RTKN: variants seen among roughly 807,000 people sequenced by gnomAD.
The protein encoded by RTKN is rhotekin.
RTKN carries 49 observed loss-of-function variants against 63.5 expected under a neutral mutation model. That is an observed-to-expected ratio of 0.77 (90% CI 0.61 to 0.98). The LOEUF (loss-of-function observed/expected upper bound fraction) is 0.98, where lower values mean the gene tolerates loss of function less well. RTKN is among the 50% of genes least tolerant of loss of function. RTKN has a pLI of 0.00. For synonymous variants in RTKN, 295 were observed against 290.4 expected (o/e 1.02, Z -0.16); for missense variants, 685 against 740.8 (o/e 0.92, Z 0.87).
rs138243834 is a variant in RTKN, at chr2:74,430,634, C to A, written c.355G>T (p.Gly119Cys). 527 of 1,613,808 alleles carry A rather than the reference C, an allele frequency of 3.3e-4. No homozygotes were observed. The highest frequency in any genetic ancestry group is 4.1e-4 in the Non-Finnish European group (485 of 1,179,996). The stretch of plus-strand genomic sequence containing the variant: ...TTCTTACCAGAGATGCAGACCCGGC[C>A]GCGGCAGGGGGAGCGCTCAGCGGGC... Reference protein sequence around the residue: ...GPPAERSPCRGRVCISDLRIP... With the variant: ...GPPAERSPCRCRVCISDLRIP... The change falls in exon 3 of 12, where the codon GGC becomes TGC. Residue 119 changes from glycine (G) to cysteine (C), a missense_variant. By Grantham distance (159) the Gly-to-Cys change is radical. Transcript: ENST00000272430.
chr2:74,430,144 G>T, intron 5 of RTKN, 107 bp from the exon 6 acceptor site: 1 of 1,489,280 alleles, frequency 6.7e-7, no homozygotes, highest in Non-Finnish European at 9.3e-7. Flanking sequence ...AAGGCCAGGT[G>T]CCCCTCCTCT....
rs1670448809 is a variant in RTKN, at chr2:74,427,266, C to G, written c.1263G>C (p.Trp421Cys). The change falls in exon 11 of 12, where the codon TGG (tryptophan) becomes TGC (cysteine). Residue 421 changes from tryptophan (W) to cysteine (C), a missense_variant. Physicochemically the swap from Trp to Cys is radical, Grantham distance 215. Transcript: ENST00000272430. ...TCATGATTTCATCACAGCACTGCTT[C>G]CATTGGCCTGGAAGAAGAGCGCTGA... The part of the protein sequence containing the change: ...LWQLFFDMSQ[W>C]KQCCDEIMKI... 1 of 1,614,064 alleles carries G rather than the reference C, an allele frequency of 6.2e-7. No homozygotes were observed. Among genetic ancestry groups the G allele is most frequent in the African/African-American group, 1.3e-5 (1 of 74,932 alleles).
chr2:74,438,052 G>A (rs1032447252), intron 1 of RTKN, among the ~76,000 whole-genome samples: 7 of 152,058 alleles, frequency 4.6e-5, no homozygotes, highest in Non-Finnish European at 7.4e-5. Context: ...TCCAGGGAGT[G>A]GGGGCAGGGC....
chr2:74,427,494 G>A lies in RTKN; in HGVS notation c.1185C>T (p.Thr395=). The A allele has an allele frequency of 6.2e-7, 1 of 1,614,146 alleles. No homozygotes were observed. The highest frequency in any genetic ancestry group is 8.5e-7 in the Non-Finnish European group (1 of 1,180,016). ...NQYGDDEVTH[T]LQTESREALQ... is the part of the protein sequence containing the mutation. ...GTGCTTCCCGACTTTCTGTCTGAAGGGTGTGTGTCACCTCATCATCCCCAT... is the reference window on the plus strand; with the variant it reads ...GTGCTTCCCGACTTTCTGTCTGAAGAGTGTGTGTCACCTCATCATCCCCAT... The change falls in exon 10 of 12, where the codon ACC becomes ACT. Residue 395 remains threonine (T), a synonymous_variant. Coordinates refer to ENST00000272430, the MANE Select transcript of RTKN (RefSeq NM_001015055.2).
chr2:74,428,381 G>C lies in RTKN; in HGVS notation c.973C>G (p.Gln325Glu). The C allele has an allele frequency of 1.2e-6, 2 of 1,614,164 alleles. No individual in the cohort carries two copies. Among genetic ancestry groups the C allele is most frequent in the Non-Finnish European group, 1.7e-6 (2 of 1,180,024 alleles). Reference protein sequence around the residue: ...TLRVQQAGEMQNWAQVHGVLK... With the variant: ...TLRVQQAGEMENWAQVHGVLK... Reference sequence around the variant, plus strand: ...ACTCCATGCACTTGTGCCCAGTTCTGCATCTCCCCAGCTTGCTGCACAAAT... The same window carrying C: ...ACTCCATGCACTTGTGCCCAGTTCTCCATCTCCCCAGCTTGCTGCACAAAT... The change falls in exon 9 of 12, where the codon CAG (glutamine) becomes GAG (glutamate). Residue 325 changes from glutamine (Q) to glutamate (E), a missense_variant. By Grantham distance (29) the Gln-to-Glu change is conservative (BLOSUM62 2). Transcript: ENST00000272430.
chr2:74,427,417 C>G lies in RTKN; in HGVS notation c.1255+7G>C. The G allele has an allele frequency of 1.9e-6, 3 of 1,614,088 alleles. No homozygotes were observed. Among genetic ancestry groups the G allele is most frequent in the Non-Finnish European group, 2.5e-6 (3 of 1,179,994 alleles). On this transcript the variant is annotated splice_region_variant and intron_variant, in intron 10 of 11. Coordinates refer to ENST00000272430, the MANE Select transcript of RTKN (RefSeq NM_001015055.2). ...CAAAGGTTCAACCCAGCCCCCTTCT[C>G]TCTTACTCATGTCAAAGAAAAGCTG...
chr2:74,434,425 G>A (rs1287799589), intron 1 of RTKN, among the ~76,000 whole-genome samples: 1 of 152,170 alleles, frequency 6.6e-6, no homozygotes, highest in African/African-American at 2.4e-5. Context: ...GATTACAGGT[G>A]TGAGCCACCA....
intron 2 of RTKN, 93 bp downstream of exon 2, chr2:74,432,374 A>T: frequency 8.3e-7 from 1 of 1,197,752 alleles, no homozygotes; most frequent in Non-Finnish European, 1.2e-6. Context: ...AGTCATCTTT[A>T]AGGTGGTCCA....
Position 74,441,792 on chromosome 2 carries a change from G to A in RTKN, c.25C>T (p.Arg9Trp), listed in dbSNP as rs1286979793. 2 of 1,611,030 alleles carry A rather than the reference G, an allele frequency of 1.2e-6. No individual in the cohort carries two copies. Among genetic ancestry groups the A allele is most frequent in the African/African-American group, 1.3e-5 (1 of 74,916 alleles). MFSRNHRSRVTVARGSALE... is the reference protein window; with the variant it reads MFSRNHRSWVTVARGSALE... Reference sequence around the variant, plus strand: ...GCGGAGCCCCTGGCCACGGTGACCCGGCTCCGGTGGTTTCGGGAGAACATG... The same window carrying A: ...GCGGAGCCCCTGGCCACGGTGACCCAGCTCCGGTGGTTTCGGGAGAACATG... Residue 9 changes from arginine to tryptophan, a missense_variant, in exon 1 of 12, where the codon CGG becomes TGG. Physicochemically the swap from Arg to Trp is moderately radical, Grantham distance 101. Coordinates refer to ENST00000272430, the MANE Select transcript of RTKN (RefSeq NM_001015055.2).
Position 74,425,958 on chromosome 2 carries a change from A to G in RTKN, c.*285T>C, listed in dbSNP as rs1020120601. The G allele has an allele frequency of 6.0e-6, 4 of 671,800 alleles. No homozygotes were observed. Among genetic ancestry groups the G allele is most frequent in the African/African-American group, 3.6e-5 (2 of 55,088 alleles). 41.6% of individuals were successfully genotyped at this position (671,800 alleles called of 1,614,324 possible). On this transcript the variant is annotated 3_prime_UTR_variant, in exon 12 of 12. Coordinates refer to ENST00000272430, the MANE Select transcript of RTKN (RefSeq NM_001015055.2). ...TTTGCTCCAAGGGTTCTTCAGTGCC[A>G]TCCTCAAAGCTGGTTAGTGCAGGGA...
Position 74,441,724 on chromosome 2 carries a change from G to A in RTKN, c.93C>T (p.Leu31=), listed in dbSNP as rs369307365. The A allele has an allele frequency of 1.4e-5, 22 of 1,611,212 alleles. No homozygotes were observed. Among genetic ancestry groups the A allele is most frequent in the African/African-American group, 2.7e-5 (2 of 74,928 alleles). ...CTCTCACCTCGGGCAGGTCGCTGAA[G>A]AGGCTGAGTCGGAAGCGGCCGCGTT... ...EFKRGRFRLS[L]FSDLPEDTEL... The change falls in exon 1 of 12, where the codon CTC becomes CTT. Residue 31 remains leucine (L), a synonymous_variant. Transcript: ENST00000272430.
intron 1 of RTKN, chr2:74,439,952 C>T: frequency 3.5e-6 from 4 of 1,133,398 alleles, no homozygotes; most frequent in Middle Eastern, 3.9e-4. Flanking sequence ...TGTCCAGTCT[C>T]GCTTTGGTGG....
rs771739969 is a variant in RTKN, at chr2:74,426,523, C to T, written c.1412G>A (p.Arg471Gln). Residue 471 changes from arginine to glutamine, a missense_variant, in exon 12 of 12, where the codon CGG becomes CAG. Physicochemically the swap from Arg to Gln is conservative, Grantham distance 43. Coordinates refer to ENST00000272430, the MANE Select transcript of RTKN (RefSeq NM_001015055.2). ...GGGTGTCTCCAGCCTTGCGCCCTCC[C>T]GCTGGGTCAGGATGTCTGTCACCGC... Reference protein sequence around the residue: ...IAAVTDILTQREGARLETPPP... With the variant: ...IAAVTDILTQQEGARLETPPP... 1.5e-5 allele frequency: 23 copies of T among 1,556,486 alleles called. No individual in the cohort carries two copies. In the Admixed American group the frequency reaches 1.9e-4, roughly 13 times the overall value.
chr2:74,432,262 C>G (rs1003729), intron 2 of RTKN: 1 of 704,296 alleles, frequency 1.4e-6, no homozygotes, highest in Admixed American at 2.0e-5. Flanking sequence ...ACCGACTTTT[C>G]TAAGTCCTGC....
intron 9 of RTKN, 28 bp downstream of exon 9, chr2:74,428,240 G>C: frequency 6.2e-7 from 1 of 1,614,068 alleles, no homozygotes; most frequent in South Asian, 1.1e-5. Flanking sequence ...TGTGCCCTTG[G>C]TGGCCTTACT....
chr2:74,439,862 G>A, intron 1 of RTKN: 1 of 1,350,158 alleles, frequency 7.4e-7, no homozygotes, highest in Non-Finnish European at 9.6e-7. Context: ...AGCCAGGCAG[G>A]GAAGAAAAAG....
chr2:74,438,864 A>G (rs1671196744), intron 1 of RTKN, among the ~76,000 whole-genome samples: 1 of 152,166 alleles, frequency 6.6e-6, no homozygotes. Flanking sequence ...TTTATGTGAT[A>G]TTATTTATGT....
chr2:74,430,163 C>T, intron 5 of RTKN, 89 bp downstream of exon 5: 1 of 1,507,584 alleles, frequency 6.6e-7, no homozygotes. Flanking sequence ...CTCCACCCTG[C>T]CCCCATCCCA....
chr2:74,430,180 TC>T, intron 5 of RTKN, 71 bp downstream of exon 5: 1 of 1,541,656 alleles, frequency 6.5e-7, no homozygotes, highest in South Asian at 1.1e-5. Flanking sequence ...CCCAGCTTCC[TC>T]CCCTGGAACT....
Sources: allele counts gnomAD v4.1 joint callset (sites outside exome capture counted in the v4.1 genomes callset), GRCh38; gene constraint gnomAD v4.1.1; transcripts MANE v1.5; gene names NCBI Gene and HGNC (gene_info 2026-07-23, HGNC 2026-07-21).